OSBPL3: variants seen among roughly 807,000 people sequenced by gnomAD.
OSBPL3 encodes the protein oxysterol binding protein like 3.
Under a neutral mutation model 120.1 loss-of-function variants are expected in OSBPL3, and 65 were observed. That is an observed-to-expected ratio of 0.54 (90% CI 0.44 to 0.67). The LOEUF is 0.67. OSBPL3 is among the 30% of genes least tolerant of loss of function. The pLI is 0.00. For synonymous variants in OSBPL3, 416 were observed against 402.6 expected, an observed-to-expected ratio of 1.03 and a Z score of -0.40; for missense variants, 1,004 against 1,082.1, an observed-to-expected ratio of 0.93 and a Z score of 1.01.
At position 24,852,405 on chromosome 7, in the gene OSBPL3, T is replaced by C; in HGVS notation, c.1158+99A>G. The C allele has an allele frequency of 8.8e-7, 1 of 1,135,110 alleles. No homozygotes were observed. Among genetic ancestry groups the C allele is most frequent in the East Asian group, 2.7e-5 (1 of 36,382 alleles). 70.3% of individuals were successfully genotyped at this position (1,135,110 alleles called of 1,614,324 possible). ...GAATATAATTTGGATAATTTGGTTT[T>C]CTCCTGAATTTTCAACATAATCATG... On this transcript the variant is annotated intron_variant, in intron 11 of 22. Transcript: ENST00000313367. This position sits in a 1 kb window ranked among gnomAD's most constrained non-coding sequence, Gnocchi z 4.1.
chr7:24,964,243 CATA>C lies in OSBPL3; in HGVS notation c.-150+15640_-150+15642del, dbSNP rs1563017368. 6.6e-6 allele frequency among the ~76,000 whole-genome samples: 1 copy of C among 152,090 alleles called. No individual in the cohort carries two copies. The highest frequency in any genetic ancestry group is 1.5e-5 in the Non-Finnish European group (1 of 68,026). ...CCCCACTCCTTAAGTATGAGCTGTG[CATA>C]ATAACTTACTTCCAAAGAGTATAGT... On this transcript the variant is annotated intron_variant, in intron 1 of 22. Transcript: ENST00000313367. This position sits in a 1 kb window ranked among gnomAD's most constrained non-coding sequence, Gnocchi z 4.2.
chr7:24,878,865 TCTGCAC>T lies in OSBPL3; in HGVS notation c.97-6802_97-6797del, dbSNP rs1488863967. On this transcript the variant is annotated intron_variant, in intron 2 of 22. Coordinates refer to ENST00000313367, the MANE Select transcript of OSBPL3 (RefSeq NM_015550.4). ...AGTAGGTCTGGGGGAGGCCTGAGAT[TCTGCAC>T]CTGCACAGATGAGGCTATCACTGCT... 2.0e-5 allele frequency among the ~76,000 whole-genome samples: 3 copies of T among 152,198 alleles called. No individual in the cohort carries two copies. In the East Asian group the frequency reaches 5.8e-4, roughly 29 times the overall value.
In OSBPL3 at chr7:24,822,086, C is replaced by G. The variant is rs567124121; in HGVS notation, c.1885-1848G>C. 7.9e-5 allele frequency among the ~76,000 whole-genome samples: 12 copies of G among 152,248 alleles called. No individual in the cohort carries two copies. Among genetic ancestry groups the G allele is most frequent in the African/African-American group, 2.9e-4 (12 of 41,536 alleles). On this transcript the variant is annotated intron_variant, in intron 16 of 22. Transcript: ENST00000313367. This position sits in a 1 kb window ranked among gnomAD's most constrained non-coding sequence, Gnocchi z 5.8. ...ATGGGGTCATGCTATGTTGCCCAGA[C>G]TGGTCCGGAACTCCTGGCCTCAAGT...
intron 19 of OSBPL3, among the ~76,000 whole-genome samples, chr7:24,812,793 T>C (rs753949414): frequency 2.0e-5 from 3 of 152,160 alleles, no homozygotes; most frequent in African/African-American, 4.8e-5. Context: ...CAGACCTGAA[T>C]TAGAAATTTA....
rs1584168740 is a variant in OSBPL3 at position 24,804,333 on chromosome 7, T to C, written c.2549A>G (p.His850Arg). ...RRVLEENHVE[H>R]QPRFFRKSDD... is the part of the protein sequence containing the mutation. The stretch of plus-strand genomic sequence containing the variant: ...CACGAACCTGAAAAACCGAGGCTGG[T>C]GCTCCACATGATTTTCTTCTAAGAC... The change falls in exon 22 of 23, where the codon CAC becomes CGC. Residue 850 changes from histidine (H) to arginine (R), a missense_variant. His to Arg is a conservative substitution (Grantham distance 29, BLOSUM62 0). Coordinates refer to ENST00000313367, the MANE Select transcript of OSBPL3 (RefSeq NM_015550.4). The surrounding 1 kb of genome is among the most constrained non-coding windows in gnomAD (Gnocchi z 5.4). 2 of 1,614,164 alleles carry C rather than the reference T, an allele frequency of 1.2e-6. No individual in the cohort carries two copies. The highest frequency in any genetic ancestry group is 1.7e-6 in the Non-Finnish European group (2 of 1,180,026).
At position 24,869,447 on chromosome 7, in the gene OSBPL3, A is replaced by G. The variant is rs568834102; in HGVS notation, c.381+1285T>C. On this transcript the variant is annotated intron_variant, in intron 5 of 22. Coordinates refer to ENST00000313367, the MANE Select transcript of OSBPL3 (RefSeq NM_015550.4). ...TTAAATTTCTTTTTTATCTTAAGATATAGGCTTTTCCCTCCCATACTTCAC... is the reference window on the plus strand; with the variant it reads ...TTAAATTTCTTTTTTATCTTAAGATGTAGGCTTTTCCCTCCCATACTTCAC... Among the ~76,000 whole-genome samples the G allele has an allele frequency of 1.7e-3, 254 of 152,342 alleles. 1 individual carries two copies. The highest frequency in any genetic ancestry group is 2.9e-3 in the Non-Finnish European group (199 of 68,032).
At chr7:24,829,115 C>G (rs1292890990) in intron 16 of OSBPL3, among the ~76,000 whole-genome samples, 1 of 151,768 alleles carries the variant, frequency 6.6e-6, no homozygotes, top group Non-Finnish European at 1.5e-5. Context: ...CTATTCTTTT[C>G]TTATAGCTAT....
rs1405042449 is a variant in OSBPL3 at position 24,818,485 on chromosome 7, C to T, written c.1948+1690G>A. Among the ~76,000 whole-genome samples the T allele has an allele frequency of 6.6e-6, 1 of 151,980 alleles. No homozygotes were observed. Among genetic ancestry groups the T allele is most frequent in the African/African-American group, 2.4e-5 (1 of 41,348 alleles). The stretch of plus-strand genomic sequence containing the variant: ...TGGAAGTATACTTCTGTAAATCTCA[C>T]TATATGAAACTGGCATAATATTATT... On this transcript the variant is annotated intron_variant, in intron 17 of 22. Coordinates refer to ENST00000313367, the MANE Select transcript of OSBPL3 (RefSeq NM_015550.4). The surrounding 1 kb of genome is among the most constrained non-coding windows in gnomAD (Gnocchi z 4.0).
chr7:24,809,766 C>G (rs781612633), intron 20 of OSBPL3, 41 bp downstream of exon 20: 1 of 1,603,148 alleles, frequency 6.2e-7, no homozygotes, highest in Non-Finnish European at 8.5e-7. Flanking sequence ...CCCACCCATC[C>G]ACCCACTCAC....
In OSBPL3 at chr7:24,827,062, T is replaced by A. The variant is rs1795797288; in HGVS notation, c.1884+3706A>T. Among the ~76,000 whole-genome samples, 1 of 152,140 alleles carries A rather than the reference T, an allele frequency of 6.6e-6. No homozygotes were observed. The highest frequency in any genetic ancestry group is 1.5e-5 in the Non-Finnish European group (1 of 68,030). ...AGGTCCTTAAGCTTGGAGATACAATTTCCATCATTATCCTCCTTAGAAAAA... is the reference window on the plus strand; with the variant it reads ...AGGTCCTTAAGCTTGGAGATACAATATCCATCATTATCCTCCTTAGAAAAA... On this transcript the variant is annotated intron_variant, in intron 16 of 22. Transcript: ENST00000313367. This position sits in a 1 kb window ranked among gnomAD's most constrained non-coding sequence, Gnocchi z 5.1.
chr7:24,871,745 G>A lies in OSBPL3; in HGVS notation c.264C>T (p.Thr88=), dbSNP rs370626357. The change falls in exon 4 of 23, where the codon ACC becomes ACT. Residue 88 remains threonine, a synonymous_variant. Coordinates refer to ENST00000313367, the MANE Select transcript of OSBPL3 (RefSeq NM_015550.4). This position sits in a 1 kb window ranked among gnomAD's most constrained non-coding sequence, Gnocchi z 4.8. The part of the protein sequence containing the change: ...KGILKYAKSQ[T]DIEREKLHGC... The stretch of plus-strand genomic sequence containing the variant: ...GTGGGCCCACAAAAAGACTTACATC[G>A]GTTTGGCTCTTGGCATATTTCAAGA... 1.2e-5 allele frequency: 19 copies of A among 1,611,548 alleles called. No homozygotes were observed. The highest frequency in any genetic ancestry group is 6.6e-5 in the South Asian group (6 of 90,996).
At chr7:24,814,990 C>G in intron 19 of OSBPL3, 69 bp downstream of exon 19, 1 of 1,489,494 alleles carries the variant, frequency 6.7e-7, no homozygotes, top group Non-Finnish European at 9.3e-7. Context: ...CTCAAATGCC[C>G]TGTGCTCTGG....
chr7:24,878,984 G>A lies in OSBPL3; in HGVS notation c.97-6915C>T, dbSNP rs148301956. Among the ~76,000 whole-genome samples, 767 of 152,264 alleles carry A rather than the reference G, an allele frequency of 5.0e-3. 4 individuals are homozygous for A. The highest frequency in any genetic ancestry group is 0.01 in the Middle Eastern group (3 of 294). On this transcript the variant is annotated intron_variant, in intron 2 of 22. Transcript: ENST00000313367. Reference sequence around the variant, plus strand: ...GGGATTTGACTTGACAGAATCTGAAGGCAAAACCAGGACTAACGGGTGGGA... The same window carrying A: ...GGGATTTGACTTGACAGAATCTGAAAGCAAAACCAGGACTAACGGGTGGGA...
chr7:24,888,029 G>C (rs921003659), intron 2 of OSBPL3, among the ~76,000 whole-genome samples: 3 of 152,176 alleles, frequency 2.0e-5, no homozygotes, highest in Non-Finnish European at 4.4e-5. Context: ...TTATTAATGT[G>C]TAGAGTAAGG....
At position 24,851,828 on chromosome 7, in the gene OSBPL3, G is replaced by GTT. The variant is rs1799192646; in HGVS notation, c.1158+675_1158+676insAA. ...TTCTGAGGAATTAATTGAAACTGAT[G>GTT]AAAAAAGGAGAGAGAATGAGTGACA... On this transcript the variant is annotated intron_variant, in intron 11 of 22. Transcript: ENST00000313367. The surrounding 1 kb of genome is among the most constrained non-coding windows in gnomAD (Gnocchi z 4.1). Among the ~76,000 whole-genome samples the GTT allele has an allele frequency of 6.6e-6, 1 of 152,044 alleles. No individual in the cohort carries two copies. Among genetic ancestry groups the GTT allele is most frequent in the Non-Finnish European group, 1.5e-5 (1 of 67,990 alleles).
At chr7:24,920,677 T>C (rs1810280671) in intron 1 of OSBPL3, among the ~76,000 whole-genome samples, 1 of 152,202 alleles carries the variant, frequency 6.6e-6, no homozygotes, top group Non-Finnish European at 1.5e-5. Context: ...AAGGAAGTTA[T>C]GAAAACCCCA....
chr7:24,928,206 T>TC (rs1221717033), intron 1 of OSBPL3, among the ~76,000 whole-genome samples: 5 of 150,976 alleles, frequency 3.3e-5, no homozygotes, highest in Non-Finnish European at 7.4e-5. Context: ...TTTTTTTTTT[T>TC]TTTGAGATGG....
rs113502518 is a variant in OSBPL3, at chr7:24,894,376, A to C, written c.-149-1755T>G. The stretch of plus-strand genomic sequence containing the variant: ...CCAGCCTCTTCATAAAATTAGCCTT[A>C]CTGATGGGGGCATGACTAGGTGTAC... On this transcript the variant is annotated intron_variant, in intron 1 of 22. Coordinates refer to ENST00000313367, the MANE Select transcript of OSBPL3 (RefSeq NM_015550.4). This position sits in a 1 kb window ranked among gnomAD's most constrained non-coding sequence, Gnocchi z 4.1. 3.9e-5 allele frequency among the ~76,000 whole-genome samples: 6 copies of C among 152,332 alleles called. No individual in the cohort carries two copies. The highest frequency in any genetic ancestry group is 1.4e-4 in the African/African-American group (6 of 41,570).
rs562339419 is a variant in OSBPL3, at chr7:24,828,400, C to G, written c.1884+2368G>C. On this transcript the variant is annotated intron_variant, in intron 16 of 22. Transcript: ENST00000313367. The stretch of plus-strand genomic sequence containing the variant: ...CCAAGGCGGGCGGATCCCATGAGGT[C>G]AGTTTGCGACCAGCCCGGCCAATAT... 6.3e-4 allele frequency among the ~76,000 whole-genome samples: 96 copies of G among 152,160 alleles called. 2 individuals are homozygous for G. In the South Asian group the frequency reaches 0.019, roughly 30 times the overall value.
Sources: gnomAD v4.1 joint callset for allele counts (sites outside exome capture counted in the v4.1 genomes callset) on GRCh38, gnomAD v4.1.1 for gene constraint, Gnocchi (gnomAD v3.1) non-coding constraint, MANE v1.5 for transcripts, NCBI Gene and HGNC (gene_info 2026-07-23, HGNC 2026-07-21) for gene names.